TCF20: variants seen among roughly 807,000 people sequenced by gnomAD.
TCF20 encodes SPRE-binding protein.
A neutral mutation model predicts 148.6 loss-of-function variants in TCF20; 3 were observed. The observed-to-expected ratio is 0.02, with a 90% confidence interval of 0.01 to 0.05. TCF20 has a LOEUF of 0.05. TCF20 is among the 10% of genes least tolerant of loss of function. The pLI is 1.00. For missense variants in TCF20, 2,350 were observed against 2,429.3 expected (o/e 0.97, Z 0.69); for synonymous variants, 1,049 against 909.5 (o/e 1.15, Z -2.76).
chr22:42,306,050 C>T (rs1927426129), intron 1 of TCF20, among the ~76,000 whole-genome samples: 1 of 152,226 alleles, frequency 6.6e-6, no homozygotes, highest in Non-Finnish European at 1.5e-5. Flanking sequence ...GTGAGCCCAT[C>T]TGAACATGGG....
intron 1 of TCF20, among the ~76,000 whole-genome samples, chr22:42,289,283 C>G (rs1000418211): frequency 3.9e-5 from 6 of 152,150 alleles, no homozygotes; most frequent in Non-Finnish European, 8.8e-5. Context: ...CACCAGTGCT[C>G]TCTCCCTGCC....
intron 1 of TCF20, among the ~76,000 whole-genome samples, chr22:42,341,303 T>C (rs1327640062): frequency 6.6e-6 from 1 of 152,148 alleles, no homozygotes; most frequent in Non-Finnish European, 1.5e-5. Context: ...GGTCAATTTA[T>C]AGTTCCACGG....
intron 2 of TCF20, among the ~76,000 whole-genome samples, chr22:42,197,601 C>T (rs1004803527): frequency 6.6e-6 from 1 of 152,194 alleles, no homozygotes; most frequent in Non-Finnish European, 1.5e-5. Flanking sequence ...GGATTACAGG[C>T]GTGAGCCACC....
chr22:42,196,136 T>G (rs894313333), intron 2 of TCF20, among the ~76,000 whole-genome samples: 2 of 152,126 alleles, frequency 1.3e-5, no homozygotes, highest in African/African-American at 4.8e-5. Context: ...GTCAGTAAGG[T>G]CTCAGAGGTC....
chr22:42,329,559 T>G (rs755756839), intron 1 of TCF20, among the ~76,000 whole-genome samples: 3 of 152,034 alleles, frequency 2.0e-5, no homozygotes, highest in Non-Finnish European at 4.4e-5. Context: ...CAGGGAGCTA[T>G]GGATGGTGTG....
At chr22:42,288,766 G>T (rs1927080884), upstream of TCF20, among the ~76,000 whole-genome samples, 3 of 146,296 alleles carry the variant, frequency 2.1e-5, no homozygotes. Context: ...CAGAGTGTCT[G>T]CTCTGTTCCT....
chr22:42,218,679 T>C (rs935466912), intron 1 of TCF20, among the ~76,000 whole-genome samples: 3 of 152,178 alleles, frequency 2.0e-5, no homozygotes, highest in African/African-American at 7.2e-5. Flanking sequence ...GTATAAACAA[T>C]GTTGCCACTT....
intron 1 of TCF20, among the ~76,000 whole-genome samples, chr22:42,282,681 G>T (rs535689732): frequency 2.6e-4 from 40 of 152,332 alleles, no homozygotes; most frequent in Non-Finnish European, 4.9e-4. Flanking sequence ...CCCTGGCTGG[G>T]GGCAGAGACC....
chr22:42,177,684 A>G (rs1407956271), intron 3 of TCF20, among the ~76,000 whole-genome samples: 8 of 152,196 alleles, frequency 5.3e-5, no homozygotes, highest in Non-Finnish European at 1.5e-5. Flanking sequence ...ACAACACTCT[A>G]TTGTATGTAT....
At chr22:42,234,200 T>TATA in intron 1 of TCF20, among the ~76,000 whole-genome samples, 1 of 152,220 alleles carries the variant, frequency 6.6e-6, no homozygotes, top group Middle Eastern at 3.4e-3. Context: ...CTAACAACCT[T>TATA]AGAAAGAAAA....
chr22:42,240,075 G>A (rs753518500), intron 1 of TCF20, among the ~76,000 whole-genome samples: 1 of 152,166 alleles, frequency 6.6e-6, no homozygotes, highest in Non-Finnish European at 1.5e-5. Flanking sequence ...AATCATTACT[G>A]TAAGTCTGGC....
chr22:42,295,598 C>G (rs1251757835), intron 1 of TCF20, among the ~76,000 whole-genome samples: 1 of 152,110 alleles, frequency 6.6e-6, no homozygotes, highest in East Asian at 1.9e-4. Context: ...CAGGCACCAC[C>G]ACGCCCGGCT....
intron 1 of TCF20, among the ~76,000 whole-genome samples, chr22:42,255,185 T>C (rs1342211141): frequency 6.6e-6 from 1 of 152,108 alleles, no homozygotes; most frequent in Non-Finnish European, 1.5e-5. Context: ...TTATTGTTTA[T>C]ATAAAAATAT....
intron 1 of TCF20, among the ~76,000 whole-genome samples, chr22:42,242,113 G>A (rs550970222): frequency 7.1e-6 from 1 of 141,158 alleles, no homozygotes; most frequent in South Asian, 2.3e-4. Context: ...CGAGGCAGAA[G>A]AATCACTTGA....
upstream of TCF20, chr22:42,274,017 T>C (rs555487041): frequency 6.5e-6 from 1 of 152,774 alleles, no homozygotes; most frequent in South Asian, 2.1e-4. Flanking sequence ...CGGATGTCCT[T>C]CCTCACTTGC....
intron 1 of TCF20, among the ~76,000 whole-genome samples, chr22:42,236,540 T>TG (rs1923903007): frequency 6.6e-6 from 1 of 152,220 alleles, no homozygotes; most frequent in Non-Finnish European, 1.5e-5. Context: ...GAGCTCTACT[T>TG]GGAGGCAGAT....
At position 42,214,464 on chromosome 22, in the gene TCF20, G is replaced by A. The variant is rs1280824299; in HGVS notation, c.842C>T (p.Ala281Val). 6.2e-7 allele frequency: 1 copy of A among 1,614,168 alleles called. No individual in the cohort carries two copies. Reference protein sequence around the residue: ...QYEGHNVGSNAQAYGTQSNYS... With the variant: ...QYEGHNVGSNVQAYGTQSNYS... ...ATTGGATTGTGTTCCATAAGCCTGT[G>A]CATTAGAACCCACATTGTGTCCTTC... The change falls in exon 2 of 6, where the codon GCA becomes GTA. Residue 281 changes from alanine (A) to valine (V), a missense_variant. Transcript: ENST00000677622.
At chr22:42,238,728 T>C (rs1924104262) in intron 1 of TCF20, among the ~76,000 whole-genome samples, 1 of 152,214 alleles carries the variant, frequency 6.6e-6, no homozygotes, top group South Asian at 2.1e-4. Context: ...GGACACCCAG[T>C]TGGCAGCAGT....
chr22:42,324,949 C>T (rs1378352497), intron 1 of TCF20, among the ~76,000 whole-genome samples: 1 of 152,238 alleles, frequency 6.6e-6, no homozygotes, highest in African/African-American at 2.4e-5. Context: ...AAGCCAGGCT[C>T]GGATGCCTCA....
Sources: allele counts gnomAD v4.1 joint callset (sites outside exome capture counted in the v4.1 genomes callset), GRCh38; gene constraint gnomAD v4.1.1; transcripts MANE v1.5; gene names NCBI Gene and HGNC (gene_info 2026-07-23, HGNC 2026-07-21).